Variants in POU2F3 observed in about 807,000 individuals in gnomAD.
POU2F3 encodes the protein POU domain, class 2, transcription factor 3.
POU2F3 carries 23 observed loss-of-function variants against 59.2 expected under a neutral mutation model. The observed-to-expected ratio is 0.39, with a 90% confidence interval of 0.28 to 0.55. POU2F3 has a LOEUF of 0.55. POU2F3 is among the 20% of genes least tolerant of loss of function. POU2F3 has a pLI of 0.66. For missense variants in POU2F3, 473 were observed against 544.5 expected, an observed-to-expected ratio of 0.87 and a Z score of 1.31; for synonymous variants, 190 against 214.6, an observed-to-expected ratio of 0.89 and a Z score of 1.00.
chr11:120,311,840 C>G (rs941634478), intron 10 of POU2F3, among the ~76,000 whole-genome samples: 6 of 152,114 alleles, frequency 3.9e-5, no homozygotes, highest in African/African-American at 1.4e-4. Flanking sequence ...GCCATGCCAC[C>G]AGCTTTTGCA....
At chr11:120,268,095 C>CT (rs1265452099) in intron 2 of POU2F3, among the ~76,000 whole-genome samples, 4 of 151,912 alleles carry the variant, frequency 2.6e-5, no homozygotes, top group African/African-American at 9.7e-5. Flanking sequence ...AAAAATGATA[C>CT]TTATAAGCAT....
At chr11:120,269,286 T>G (rs767996216) in intron 3 of POU2F3, 42 bp downstream of exon 3, 1 of 1,517,386 alleles carries the variant, frequency 6.6e-7, no homozygotes, top group South Asian at 1.1e-5. Flanking sequence ...TCTATAAAAT[T>G]TGGGCATCAC....
chr11:120,287,130 G>A (rs1159962290), intron 3 of POU2F3, among the ~76,000 whole-genome samples: 1 of 152,164 alleles, frequency 6.6e-6, no homozygotes, highest in Non-Finnish European at 1.5e-5. Flanking sequence ...AAAACCTGAT[G>A]TTAAAGGAAA....
chr11:120,257,978 C>G (rs1264705414), intron 2 of POU2F3, among the ~76,000 whole-genome samples: 1 of 152,162 alleles, frequency 6.6e-6, no homozygotes, highest in African/African-American at 2.4e-5. Flanking sequence ...GCCTCAGTTT[C>G]CTTATGCGTA....
At chr11:120,249,241 G>A (rs965541583) in intron 2 of POU2F3, among the ~76,000 whole-genome samples, 16 of 152,224 alleles carry the variant, frequency 1.1e-4, no homozygotes, top group Admixed American at 4.6e-4. Flanking sequence ...CAAGGGACCA[G>A]CCAAAGCTCA....
At position 120,307,576 on chromosome 11, in the gene POU2F3, G is replaced by A. The variant is rs1381748667; in HGVS notation, c.867G>A (p.Glu289=). 1 of 1,613,878 alleles carries A rather than the reference G, an allele frequency of 6.2e-7. No individual in the cohort carries two copies. Among genetic ancestry groups the A allele is most frequent in the Admixed American group, 1.7e-5 (1 of 60,012 alleles). ...AGAGAAAGAAACGGACCAGCATCGA[G>A]ACCAACATCCGCCTGACTCTGGAGA... is the stretch of plus-strand genomic sequence containing the variant. The part of the protein sequence containing the change: ...GRKRKKRTSI[E]TNIRLTLEKR... The change falls in exon 9 of 13, where the codon GAG becomes GAA. Residue 289 remains glutamate (E), a synonymous_variant. Coordinates refer to ENST00000543440, the MANE Select transcript of POU2F3 (RefSeq NM_014352.4).
chr11:120,256,712 G>A (rs1025447091), intron 2 of POU2F3: 6 of 152,230 alleles, frequency 3.9e-5, no homozygotes, highest in African/African-American at 1.4e-4. Flanking sequence ...AGGAAGAAGG[G>A]GAGGGAGCTG....
intron 2 of POU2F3, among the ~76,000 whole-genome samples, chr11:120,250,893 C>A (rs1178069047): frequency 6.6e-6 from 1 of 151,940 alleles, no homozygotes; most frequent in Non-Finnish European, 1.5e-5. Context: ...AGGAGAATTG[C>A]TTGAAGCCAG....
At chr11:120,276,286 A>G (rs1477665021) in intron 3 of POU2F3, among the ~76,000 whole-genome samples, 2 of 152,204 alleles carry the variant, frequency 1.3e-5, no homozygotes, top group Non-Finnish European at 2.9e-5. Flanking sequence ...AGAGTACATC[A>G]TGGTCCCTGC....
chr11:120,296,211 A>C (rs1941188103), intron 3 of POU2F3, among the ~76,000 whole-genome samples: 1 of 152,202 alleles, frequency 6.6e-6, no homozygotes, highest in South Asian at 2.1e-4. Context: ...GCACATCTTC[A>C]ACATTTTCTT....
intron 2 of POU2F3, among the ~76,000 whole-genome samples, chr11:120,267,921 C>T (rs1359389660): frequency 6.6e-6 from 1 of 151,454 alleles, no homozygotes; most frequent in East Asian, 1.9e-4. Flanking sequence ...TACAGGAGAC[C>T]CAAAGGAAGG....
At position 120,249,592 on chromosome 11, in the gene POU2F3, C is replaced by T. The variant is rs560730234; in HGVS notation, c.97+3075C>T. Among the ~76,000 whole-genome samples the T allele has an allele frequency of 1.3e-3, 191 of 152,292 alleles. 4 individuals are homozygous for T. Among genetic ancestry groups the T allele is most frequent in the Non-Finnish European group, 1.3e-3 (88 of 68,016 alleles). On this transcript the variant is annotated intron_variant, in intron 2 of 12. Transcript: ENST00000543440. ...TGAGAATATAGCCTTACCCATATTT[C>T]AAAAGCCCCCAGGTCTGTAACTGAC... is the stretch of plus-strand genomic sequence containing the variant.
chr11:120,256,446 C>T (rs1436695510), intron 2 of POU2F3: 2 of 152,244 alleles, frequency 1.3e-5, no homozygotes, highest in Non-Finnish European at 2.9e-5. Context: ...CCACCAGCCA[C>T]TCCAGGGAGC....
intron 5 of POU2F3, chr11:120,301,095 T>C (rs1173615287): frequency 2.2e-6 from 1 of 455,862 alleles, no homozygotes; most frequent in Non-Finnish European, 4.4e-6. Context: ...CCTAGGTCAG[T>C]GTATGATGCA....
intron 2 of POU2F3, among the ~76,000 whole-genome samples, chr11:120,258,084 G>A (rs1021882734): frequency 1.3e-5 from 2 of 152,144 alleles, no homozygotes; most frequent in Non-Finnish European, 1.5e-5. Context: ...CTAGGTGTAA[G>A]CTTTCTCACT....
At chr11:120,269,107 TCAAAATAGAG>T in intron 2 of POU2F3, 93 bp from the exon 3 acceptor site, 1 of 865,882 alleles carries the variant, frequency 1.2e-6, no homozygotes, top group Admixed American at 2.6e-5. Context: ...GTGCTCTTTT[TCAAAATAGAG>T]CCACACGCCT....
chr11:120,277,479 T>C (rs2135221878), intron 3 of POU2F3, among the ~76,000 whole-genome samples: 1 of 150,410 alleles, frequency 6.6e-6, no homozygotes, highest in African/African-American at 2.4e-5. Context: ...TAGAGTGAAA[T>C]TTATAGAAAA....
At chr11:120,311,639 G>A (rs1941650469) in intron 10 of POU2F3, among the ~76,000 whole-genome samples, 1 of 152,194 alleles carries the variant, frequency 6.6e-6, no homozygotes, top group African/African-American at 2.4e-5. Flanking sequence ...TCATCATGAT[G>A]TACAGTGAGG....
At chr11:120,264,191 AC>A (rs1939726969) in intron 2 of POU2F3, among the ~76,000 whole-genome samples, 5 of 23,092 alleles carry the variant, frequency 2.2e-4, no homozygotes, top group Non-Finnish European at 3.5e-4. Context: ...AAGACCTCAT[AC>A]ACACACACAC....
Sources: gnomAD v4.1 joint callset for allele counts (sites outside exome capture counted in the v4.1 genomes callset) on GRCh38, gnomAD v4.1.1 for gene constraint, MANE v1.5 for transcripts, NCBI Gene and HGNC (gene_info 2026-07-23, HGNC 2026-07-21) for gene names.